The following MAGI2 variants were observed in gnomAD, a reference collection of about 807,000 sequenced individuals.
The protein encoded by MAGI2 is membrane associated guanylate kinase, WW and PDZ domain containing 2.
A neutral mutation model predicts 133.3 loss-of-function variants in MAGI2; 35 were observed. That is an observed-to-expected ratio of 0.26 (90% CI 0.20 to 0.35). MAGI2 has a LOEUF of 0.35. Ranked by LOEUF, MAGI2 falls within the 10% of genes least tolerant of loss-of-function variation. MAGI2 has a pLI of 1.00. For synonymous variants in MAGI2, 729 were observed against 710.6 expected (o/e 1.03, Z -0.41); for missense variants, 1,636 against 1,863.4 (o/e 0.88, Z 2.25).
intron 1 of MAGI2, among the ~76,000 whole-genome samples, chr7:79,030,882 G>A (rs930767111): frequency 2.0e-5 from 3 of 152,104 alleles, no homozygotes; most frequent in Admixed American, 1.3e-4. Context: ...AAATTCCATT[G>A]TTGGCACAAG....
chr7:78,982,513 AT>A (rs1162113822), intron 2 of MAGI2, among the ~76,000 whole-genome samples: 1 of 151,596 alleles, frequency 6.6e-6, no homozygotes, highest in East Asian at 1.9e-4. Flanking sequence ...TTAGCAGTTA[AT>A]TTTTTTTAAC....
intron 2 of MAGI2, among the ~76,000 whole-genome samples, chr7:78,879,001 A>C (rs760539545): frequency 4.6e-5 from 7 of 152,128 alleles, no homozygotes; most frequent in African/African-American, 1.7e-4. Flanking sequence ...TAGGGCCCCT[A>C]TGCTTCATGC....
intron 9 of MAGI2, among the ~76,000 whole-genome samples, chr7:78,333,627 G>A (rs1789455814): frequency 6.6e-6 from 1 of 152,216 alleles, no homozygotes; most frequent in Non-Finnish European, 1.5e-5. Context: ...TAAGAGGCCT[G>A]ACAGCCTTCC....
chr7:78,021,818 C>T (rs1197515730), intron 21 of MAGI2, among the ~76,000 whole-genome samples: 1 of 152,176 alleles, frequency 6.6e-6, no homozygotes, highest in Non-Finnish European at 1.5e-5. Flanking sequence ...CTCTGAGCCT[C>T]AATTTCTTCC....
intron 8 of MAGI2, among the ~76,000 whole-genome samples, chr7:78,344,786 G>T (rs555199279): frequency 6.6e-6 from 1 of 152,226 alleles, no homozygotes; most frequent in South Asian, 2.1e-4. Flanking sequence ...GCACTGCATA[G>T]ATTTACCTGC....
Position 78,038,182 on chromosome 7 carries a change from GC to G in MAGI2, c.3707-18207del, listed in dbSNP as rs528526776. ...ACTGGGATCTGTCTTGTTCACTGTT[GC>G]AATTTCAGCCCCTAACACAGTGCTG... On this transcript the variant is annotated intron_variant, in intron 21 of 21. Transcript: ENST00000354212. Among the ~76,000 whole-genome samples the G allele has an allele frequency of 1.9e-3, 295 of 152,254 alleles. 1 individual carries two copies. Among genetic ancestry groups the G allele is most frequent in the Non-Finnish European group, 3.6e-3 (242 of 68,022 alleles).
intron 1 of MAGI2, among the ~76,000 whole-genome samples, chr7:79,148,905 T>C (rs1822914714): frequency 6.8e-6 from 1 of 147,262 alleles, no homozygotes; most frequent in Non-Finnish European, 1.5e-5. Context: ...TATATGTAAT[T>C]ATTTGCTCCC....
intron 1 of MAGI2, among the ~76,000 whole-genome samples, chr7:79,240,113 C>T (rs756365339): frequency 6.6e-6 from 1 of 152,082 alleles, no homozygotes; most frequent in Non-Finnish European, 1.5e-5. Context: ...GGTGTTCATC[C>T]TGGTCTGAGA....
chr7:78,281,552 C>T (rs560641350), intron 9 of MAGI2, among the ~76,000 whole-genome samples: 1 of 152,274 alleles, frequency 6.6e-6, no homozygotes, highest in Non-Finnish European at 1.5e-5. Flanking sequence ...GCTGAACTGA[C>T]TCAATTAAAC....
chr7:79,271,390 G>C (rs964054468), intron 1 of MAGI2, among the ~76,000 whole-genome samples: 1 of 152,056 alleles, frequency 6.6e-6, no homozygotes, highest in African/African-American at 2.4e-5. Context: ...ACATCATTTG[G>C]TGGGTAATGG....
intron 20 of MAGI2, among the ~76,000 whole-genome samples, chr7:78,099,769 C>T (rs956795911): frequency 6.6e-6 from 1 of 152,128 alleles, no homozygotes; most frequent in Non-Finnish European, 1.5e-5. Flanking sequence ...TTTCTATTTT[C>T]CAATTTGCCT....
intron 1 of MAGI2, among the ~76,000 whole-genome samples, chr7:79,033,927 C>A (rs188333105): frequency 1.3e-5 from 2 of 151,792 alleles, no homozygotes; most frequent in Admixed American, 6.6e-5. Flanking sequence ...AACACACCAA[C>A]GAAAACTACT....
Position 78,670,099 on chromosome 7 carries a change from A to G in MAGI2, c.419-42860T>C, listed in dbSNP as rs374503425. Among the ~76,000 whole-genome samples, 5 of 151,014 alleles carry G rather than the reference A, an allele frequency of 3.3e-5. 1 individual carries two copies. The highest frequency in any genetic ancestry group is 4.9e-5 in the African/African-American group (2 of 40,496). On this transcript the variant is annotated intron_variant, in intron 2 of 21. Transcript: ENST00000354212. ...CAATTAGGCAGGAGAAGGAAATAAA[A>G]GGTATTCAATTAGGAAAAGAGGAAG...
intron 6 of MAGI2, among the ~76,000 whole-genome samples, chr7:78,468,086 A>G (rs1360750256): frequency 6.6e-6 from 1 of 152,076 alleles, no homozygotes; most frequent in Non-Finnish European, 1.5e-5. Flanking sequence ...AAACAAAACA[A>G]ACTTTGGTTT....
At chr7:78,544,597 T>G (rs1038474001) in intron 3 of MAGI2, among the ~76,000 whole-genome samples, 1 of 152,182 alleles carries the variant, frequency 6.6e-6, no homozygotes, top group Non-Finnish European at 1.5e-5. Flanking sequence ...CTACTCAAAG[T>G]GTGATCTGCA....
At chr7:78,185,905 T>G (rs950587387) in intron 12 of MAGI2, among the ~76,000 whole-genome samples, 4 of 152,196 alleles carry the variant, frequency 2.6e-5, no homozygotes, top group African/African-American at 9.6e-5. Context: ...AATCTGAATT[T>G]CTTTTTAGAT....
intron 2 of MAGI2, among the ~76,000 whole-genome samples, chr7:78,859,292 C>T (rs1297422022): frequency 1.3e-5 from 2 of 152,136 alleles, no homozygotes; most frequent in Non-Finnish European, 2.9e-5. Context: ...ATGATGTTAG[C>T]TGGTTAGTTT....
At chr7:78,975,992 T>A (rs1804211985) in intron 2 of MAGI2, among the ~76,000 whole-genome samples, 1 of 151,616 alleles carries the variant, frequency 6.6e-6, no homozygotes, top group African/African-American at 2.4e-5. Context: ...CTTGAGTAGA[T>A]CCATATTTAT....
intron 2 of MAGI2, among the ~76,000 whole-genome samples, chr7:78,923,967 GA>G (rs1799478980): frequency 1.3e-5 from 2 of 152,134 alleles, no homozygotes; most frequent in African/African-American, 4.8e-5. Flanking sequence ...TTGTGAGTGG[GA>G]GTTCACTCAT....
Sources: gnomAD v4.1 joint callset for allele counts (sites outside exome capture counted in the v4.1 genomes callset) on GRCh38, gnomAD v4.1.1 for gene constraint, MANE v1.5 for transcripts, NCBI Gene and HGNC (gene_info 2026-07-23, HGNC 2026-07-21) for gene names.